SLC25A51: variants seen among roughly 807,000 people sequenced by gnomAD.
The protein encoded by SLC25A51 is solute carrier family 25 member 51, also known as mitochondrial nicotinamide adenine dinucleotide transporter SLC25A51.
In SLC25A51, 11 loss-of-function variants were observed where a neutral mutation model predicts 19.1. That is an observed-to-expected ratio of 0.58 (90% CI 0.36 to 0.96). The LOEUF is 0.96. Ranked by LOEUF, SLC25A51 falls within the 40% of genes least tolerant of loss-of-function variation. SLC25A51 has a pLI of 0.01. For missense variants in SLC25A51, 201 were observed against 365.4 expected (o/e 0.55, Z 3.67); for synonymous variants, 105 against 133.6 (o/e 0.79, Z 1.47).
chr9:37,886,801 G>A (rs1411125462), downstream of SLC25A51, among the ~76,000 whole-genome samples: 1 of 152,154 alleles, frequency 6.6e-6, no homozygotes, highest in East Asian at 1.9e-4. Flanking sequence ...GGTATAGAAC[G>A]CTAAGAATTT....
intron 2 of SLC25A51, among the ~76,000 whole-genome samples, chr9:37,899,144 G>A (rs1319626382): frequency 6.6e-6 from 1 of 152,196 alleles, no homozygotes; most frequent in Non-Finnish European, 1.5e-5. Context: ...CAGGACAGCA[G>A]TCTAGTGTAC....
At chr9:37,891,081 C>T (rs946632411) in intron 2 of SLC25A51, among the ~76,000 whole-genome samples, 4 of 152,218 alleles carry the variant, frequency 2.6e-5, no homozygotes, top group Non-Finnish European at 5.9e-5. Flanking sequence ...TCCTAAGGGG[C>T]GTATATCTGC....
At chr9:37,900,709 T>C (rs1459811849) in intron 1 of SLC25A51, among the ~76,000 whole-genome samples, 2 of 151,168 alleles carry the variant, frequency 1.3e-5, no homozygotes, top group Non-Finnish European at 3.0e-5. Flanking sequence ...ACTGCACCCA[T>C]CCAACACTTG....
rs1831510429 is a variant in SLC25A51, at chr9:37,888,423, T to C, written c.128A>G (p.Asn43Ser). 6 of 1,614,270 alleles carry C rather than the reference T, an allele frequency of 3.7e-6. No homozygotes were observed. Among genetic ancestry groups the C allele is most frequent in the Non-Finnish European group, 5.1e-6 (6 of 1,180,052 alleles). ...HYLCGCCAAF[N>S]NVAITFPIQK... ...AATGGGAAATGTGATTGCGACATTGTTGAAGGCTGCACAGCAGCCACACAA... is the reference window on the plus strand; with the variant it reads ...AATGGGAAATGTGATTGCGACATTGCTGAAGGCTGCACAGCAGCCACACAA... Residue 43 changes from asparagine (N) to serine (S), a missense_variant, in exon 3 of 3, where the codon AAC becomes AGC. Coordinates refer to ENST00000242275, the MANE Select transcript of SLC25A51 (RefSeq NM_033412.4).
chr9:37,894,998 G>A (rs534567700), intron 2 of SLC25A51, among the ~76,000 whole-genome samples: 18 of 152,228 alleles, frequency 1.2e-4, no homozygotes, highest in East Asian at 5.8e-4. Context: ...TGTGTACCAC[G>A]TCTTCTTTAT....
chr9:37,901,317 G>A (rs1306267483), intron 1 of SLC25A51, among the ~76,000 whole-genome samples: 1 of 151,984 alleles, frequency 6.6e-6, no homozygotes, highest in Non-Finnish European at 1.5e-5. Context: ...TTACAGGCAT[G>A]CCACAATACC....
At chr9:37,902,195 G>T (rs79351749) in intron 1 of SLC25A51, among the ~76,000 whole-genome samples, 1,875 of 152,176 alleles carry the variant, frequency 0.012, 40 homozygotes, top group African/African-American at 0.043. Flanking sequence ...TAAAAATTTT[G>T]TCCATGTTCA....
chr9:37,885,731 G>A, downstream of SLC25A51: 1 of 1,450,948 alleles, frequency 6.9e-7, no homozygotes, highest in Non-Finnish European at 9.7e-7. Context: ...TGATGATGAA[G>A]AACCGCAGAT....
chr9:37,887,891 T>C lies in SLC25A51; in HGVS notation c.660A>G (p.Leu220=), dbSNP rs2296205. The change falls in exon 3 of 3, where the codon CTA becomes CTG. Residue 220 remains leucine (L), a synonymous_variant. Coordinates refer to ENST00000242275, the MANE Select transcript of SLC25A51 (RefSeq NM_033412.4). ...HLVNDFICGG[L]LGAMLGFLFF... is the part of the protein sequence containing the mutation. ...ACAAGAATCCCAACATGGCACCCAA[T>C]AGACCTCCACAGATAAAATCATTGA... is the stretch of plus-strand genomic sequence containing the variant. 1.3e-5 allele frequency: 21 copies of C among 1,611,874 alleles called. No homozygotes were observed. The African/African-American group carries it at 2.1e-4, about 16-fold the overall frequency.
chr9:37,893,341 T>A (rs1831640800), intron 2 of SLC25A51, among the ~76,000 whole-genome samples: 1 of 152,262 alleles, frequency 6.6e-6, no homozygotes, highest in Non-Finnish European at 1.5e-5. Flanking sequence ...TTTGAGCTGC[T>A]TTGCTGTCAT....
chr9:37,879,158 C>A, downstream of SLC25A51: 1 of 333,776 alleles, frequency 3.0e-6, no homozygotes. Flanking sequence ...AGAAGAAATG[C>A]TGAGGATTAA....
downstream of SLC25A51, among the ~76,000 whole-genome samples, chr9:37,877,718 G>T (rs1217662788): frequency 6.6e-6 from 1 of 152,120 alleles, no homozygotes; most frequent in Non-Finnish European, 1.5e-5. Flanking sequence ...TTTTTAAAGA[G>T]GCAACAGGGC....
intron 3 of SLC25A51, among the ~76,000 whole-genome samples, chr9:37,881,167 C>T (rs1831341368): frequency 7.0e-6 from 1 of 142,344 alleles, no homozygotes; most frequent in Non-Finnish European, 1.5e-5. Context: ...TGAGCTACAA[C>T]AGAAAGGAGC....
Position 37,888,032 on chromosome 9 carries a change from A to C in SLC25A51, c.519T>G (p.Tyr173Ter). The change falls in exon 3 of 3, where the codon TAT becomes TAG. Residue 173 changes from tyrosine (Y) to a stop codon, truncating the protein, a stop_gained. Coordinates refer to ENST00000242275, the MANE Select transcript of SLC25A51 (RefSeq NM_033412.4). LOFTEE classifies it high-confidence loss of function. ...GGAAAAGAATGGGCACCAAGCCTCG[A>C]TAATACTCTCCAATTCCATGACATT... The part of the protein sequence containing the change: ...ALKCHGIGEY[Y>*]RGLVPILFRN... 6.2e-7 allele frequency: 1 copy of C among 1,613,036 alleles called. No individual in the cohort carries two copies. Among genetic ancestry groups the C allele is most frequent in the Non-Finnish European group, 8.5e-7 (1 of 1,179,862 alleles).
chr9:37,885,142 G>GT (rs1181935026), downstream of SLC25A51, among the ~76,000 whole-genome samples: 2 of 152,102 alleles, frequency 1.3e-5, no homozygotes, highest in East Asian at 3.9e-4. Flanking sequence ...AAGCAATGGA[G>GT]TAACAAAGGA....
chr9:37,878,091 T>C (rs55645435), downstream of SLC25A51: 26,069 of 155,892 alleles, frequency 0.17, 2,408 homozygotes, highest in African/African-American at 0.24. Flanking sequence ...GGGTGCAACT[T>C]TCATCCCACT....
chr9:37,892,419 T>G (rs1436174640), intron 2 of SLC25A51, among the ~76,000 whole-genome samples: 1 of 152,232 alleles, frequency 6.6e-6, no homozygotes, highest in African/African-American at 2.4e-5. Flanking sequence ...TACTTGTGTA[T>G]GCCCTGCAGG....
intron 2 of SLC25A51, among the ~76,000 whole-genome samples, chr9:37,891,617 C>T (rs944366308): frequency 2.6e-5 from 4 of 151,924 alleles, no homozygotes; most frequent in African/African-American, 4.8e-5. Context: ...GGATTAAGGG[C>T]GGTGCAAGAT....
chr9:37,882,389 C>T (rs1238183812), intron 2 of SLC25A51, among the ~76,000 whole-genome samples: 1 of 152,148 alleles, frequency 6.6e-6, no homozygotes, highest in African/African-American at 2.4e-5. Flanking sequence ...TCCCATCGAC[C>T]ACCATTATTC....
Sources: gnomAD v4.1 joint callset for allele counts (sites outside exome capture counted in the v4.1 genomes callset) on GRCh38, gnomAD v4.1.1 for gene constraint, MANE v1.5 for transcripts, NCBI Gene and HGNC (gene_info 2026-07-23, HGNC 2026-07-21) for gene names.